The following LRRC7 variants were observed in gnomAD, a reference collection of about 807,000 sequenced individuals.
LRRC7 encodes leucine-rich repeat-containing protein 7.
In LRRC7, 23 loss-of-function variants were observed where a neutral mutation model predicts 175.7. The ratio of observed to expected loss-of-function variants is 0.13; its 90% CI spans 0.09 to 0.19. The LOEUF is 0.19. Among genes scored for constraint, LRRC7 ranks in the 10% least tolerant of loss-of-function variants. The pLI, the probability that LRRC7 is intolerant of heterozygous loss-of-function variation, is 1.00. For synonymous variants in LRRC7, 685 were observed against 680.9 expected (o/e 1.01, Z -0.09); for missense variants, 1,354 against 1,904.7 (o/e 0.71, Z 5.38).
chr1:69,986,222 G>A lies in LRRC7; in HGVS notation c.787-20G>A. The A allele has an allele frequency of 6.2e-7, 1 of 1,607,288 alleles. No individual in the cohort carries two copies. The highest frequency in any genetic ancestry group is 2.2e-5 in the East Asian group (1 of 44,620). On this transcript the variant is annotated intron_variant, in intron 9 of 26. Transcript: ENST00000651989. ...GTGAAAGTCTCTCAACTAACCCTGAGTTTATGCAATGTCATCAAGTCTATA... is the reference window on the plus strand; with the variant it reads ...GTGAAAGTCTCTCAACTAACCCTGAATTTATGCAATGTCATCAAGTCTATA...
intron 2 of LRRC7, among the ~76,000 whole-genome samples, chr1:69,752,722 G>A (rs987488869): frequency 6.6e-6 from 1 of 151,876 alleles, no homozygotes; most frequent in Non-Finnish European, 1.5e-5. Flanking sequence ...TGCAGTTGTA[G>A]AAAAAGAAAA....
At chr1:69,926,999 C>G (rs1255213345) in intron 7 of LRRC7, among the ~76,000 whole-genome samples, 3 of 152,138 alleles carry the variant, frequency 2.0e-5, no homozygotes, top group Non-Finnish European at 4.4e-5. Context: ...TTAGGACAGG[C>G]CTGGTGGTGA....
At chr1:70,012,555 G>A (rs890547736) in intron 12 of LRRC7, among the ~76,000 whole-genome samples, 14 of 151,514 alleles carry the variant, frequency 9.2e-5, no homozygotes, top group African/African-American at 2.7e-4. Context: ...TAAAAATGAC[G>A]AAAAACACTT....
At chr1:69,864,840 A>G (rs542046478) in intron 7 of LRRC7, among the ~76,000 whole-genome samples, 9 of 152,332 alleles carry the variant, frequency 5.9e-5, no homozygotes, top group African/African-American at 2.2e-4. Context: ...TATTTAAGCC[A>G]GTAAATAAAG....
intron 4 of LRRC7, among the ~76,000 whole-genome samples, chr1:69,803,900 T>C (rs1295130781): frequency 2.6e-5 from 4 of 151,440 alleles, no homozygotes; most frequent in Non-Finnish European, 5.9e-5. Flanking sequence ...TCTTTTAGTC[T>C]TTTTAGCAAC....
chr1:70,027,699 C>T (rs1409850343), intron 17 of LRRC7, among the ~76,000 whole-genome samples: 3 of 152,068 alleles, frequency 2.0e-5, no homozygotes, highest in East Asian at 3.9e-4. Flanking sequence ...TGTCAACTCC[C>T]CAGTTTTTAA....
At chr1:69,642,348 A>C (rs943736485) in intron 1 of LRRC7, among the ~76,000 whole-genome samples, 3 of 152,032 alleles carry the variant, frequency 2.0e-5, no homozygotes, top group Non-Finnish European at 4.4e-5. Context: ...TTATATTCAA[A>C]TATCAAAAAG....
At chr1:69,577,597 T>A (rs1443212672) in intron 1 of LRRC7, among the ~76,000 whole-genome samples, 1 of 152,180 alleles carries the variant, frequency 6.6e-6, no homozygotes, top group Non-Finnish European at 1.5e-5. Flanking sequence ...TTTCTACATA[T>A]GGCTAGCCAG....
In LRRC7 at chr1:69,611,231, G is replaced by A. The variant is rs909218452; in HGVS notation, c.2+42590G>A. Among the ~76,000 whole-genome samples the A allele has an allele frequency of 3.3e-5, 5 of 150,712 alleles. 1 individual carries two copies. Among genetic ancestry groups the A allele is most frequent in the South Asian group, 4.2e-4 (2 of 4,776 alleles). On this transcript the variant is annotated intron_variant, in intron 1 of 26. Transcript: ENST00000651989. ...CACCTTTATCTTTTTTTCATATATC[G>A]TCAATATTAAACCTTTGTTTTCCTA...
chr1:70,117,865 C>A (rs1034360856), intron 26 of LRRC7, among the ~76,000 whole-genome samples: 1 of 152,028 alleles, frequency 6.6e-6, no homozygotes, highest in African/African-American at 2.4e-5. Context: ...TAGCCAAATG[C>A]AGCAATAAAA....
intron 2 of LRRC7, among the ~76,000 whole-genome samples, chr1:69,741,872 C>A (rs1188100478): frequency 6.6e-6 from 1 of 151,980 alleles, no homozygotes; most frequent in African/African-American, 2.4e-5. Flanking sequence ...CACAGAGCAG[C>A]AAGATACAAA....
At chr1:69,983,291 AG>A (rs1449876998) in intron 9 of LRRC7, among the ~76,000 whole-genome samples, 1 of 152,214 alleles carries the variant, frequency 6.6e-6, no homozygotes, top group Non-Finnish European at 1.5e-5. Flanking sequence ...TGGGAAGCTG[AG>A]GGAGCAGGGC....
intron 3 of LRRC7, among the ~76,000 whole-genome samples, chr1:69,781,945 A>AG (rs1348084581): frequency 3.4e-5 from 5 of 145,546 alleles, no homozygotes; most frequent in African/African-American, 1.0e-4. Flanking sequence ...AGAAAGAGAA[A>AG]AGAAAAGAAA....
chr1:69,617,812 G>A lies in LRRC7; in HGVS notation c.2+49171G>A, dbSNP rs529092093. ...GATTGCATTTAGCCACTGGATCCAG[G>A]TCAACATATAGCTACTTGGATAACA... On this transcript the variant is annotated intron_variant, in intron 1 of 26. Coordinates refer to ENST00000651989, the MANE Select transcript of LRRC7 (RefSeq NM_001370785.2). Among the ~76,000 whole-genome samples, 192 of 152,128 alleles carry A rather than the reference G, an allele frequency of 1.3e-3. 2 individuals are homozygous for A. The highest frequency in any genetic ancestry group is 1.2e-3 in the Non-Finnish European group (81 of 67,992).
chr1:70,030,869 A>G (rs907320476), intron 18 of LRRC7, among the ~76,000 whole-genome samples: 5 of 152,228 alleles, frequency 3.3e-5, no homozygotes, highest in East Asian at 3.8e-4. Context: ...TTTAACATAC[A>G]TTATGCCAGA....
At chr1:69,960,092 T>G (rs896259634) in intron 8 of LRRC7, among the ~76,000 whole-genome samples, 16 of 152,108 alleles carry the variant, frequency 1.1e-4, no homozygotes, top group African/African-American at 3.9e-4. Context: ...GTGGTAGAAT[T>G]CAGCTGTGAA....
At chr1:69,636,977 C>T (rs914927007) in intron 1 of LRRC7, among the ~76,000 whole-genome samples, 1 of 151,654 alleles carries the variant, frequency 6.6e-6, no homozygotes, top group African/African-American at 2.4e-5. Context: ...TAATTTTCTT[C>T]TCTCATATTG....
chr1:69,625,270 C>T (rs1651296969), intron 1 of LRRC7, among the ~76,000 whole-genome samples: 1 of 150,488 alleles, frequency 6.6e-6, no homozygotes, highest in Non-Finnish European at 1.5e-5. Flanking sequence ...TGAGCATAAA[C>T]TTGGTTATAA....
chr1:69,852,582 G>A (rs1405708512), intron 7 of LRRC7, among the ~76,000 whole-genome samples: 1 of 152,146 alleles, frequency 6.6e-6, no homozygotes, highest in Non-Finnish European at 1.5e-5. Context: ...CACTGCAGAT[G>A]TCAAATTGTT....
Sources: allele counts gnomAD v4.1 joint callset (sites outside exome capture counted in the v4.1 genomes callset), GRCh38; gene constraint gnomAD v4.1.1; transcripts MANE v1.5; gene names NCBI Gene and HGNC (gene_info 2026-07-23, HGNC 2026-07-21).